Variants in NDRG4 observed in about 807,000 individuals in gnomAD.
The protein encoded by NDRG4 is NDRG family member 4, also known as protein NDRG4.
NDRG4 carries 38 observed loss-of-function variants against 55.8 expected under a neutral mutation model. That is an observed-to-expected ratio of 0.68 (90% CI 0.53 to 0.89). The LOEUF (loss-of-function observed/expected upper bound fraction) is 0.89, where lower values mean the gene tolerates loss of function less well. Among genes scored for constraint, NDRG4 ranks in the 40% least tolerant of loss-of-function variants. The probability of loss-of-function intolerance (pLI) is 0.00; values close to 1 mark genes in which losing one functional copy is unlikely to be tolerated. For missense variants in NDRG4, 455 were observed against 468.6 expected, an observed-to-expected ratio of 0.97 and a Z score of 0.27; for synonymous variants, 190 against 182.7, an observed-to-expected ratio of 1.04 and a Z score of -0.32.
chr16:58,514,027 T>C (rs1302030915), downstream of NDRG4, among the ~76,000 whole-genome samples: 1 of 152,190 alleles, frequency 6.6e-6, no homozygotes, highest in Non-Finnish European at 1.5e-5. Flanking sequence ...AAAACACCCC[T>C]GCCCTCCAAA....
intron 1 of NDRG4, among the ~76,000 whole-genome samples, chr16:58,467,652 C>T (rs183003024): frequency 3.9e-5 from 6 of 152,292 alleles, no homozygotes; most frequent in South Asian, 2.1e-4. Flanking sequence ...AGCCCTGAGC[C>T]GGGAGTTGTC....
intron 1 of NDRG4, among the ~76,000 whole-genome samples, chr16:58,477,124 T>C (rs571225650): frequency 6.6e-6 from 1 of 151,366 alleles, no homozygotes; most frequent in East Asian, 1.9e-4. Context: ...ATATATGATA[T>C]ATATGTGATA....
chr16:58,509,235 A>G (rs1048126685), intron 12 of NDRG4, 46 bp downstream of exon 12: 1 of 1,613,744 alleles, frequency 6.2e-7, no homozygotes, highest in Non-Finnish European at 8.5e-7. Context: ...GGGAGGGGGA[A>G]GCCTCTACCC....
At chr16:58,495,155 T>A, upstream of NDRG4, 2 of 763,494 alleles carry the variant, frequency 2.6e-6, no homozygotes, top group East Asian at 5.5e-5. Context: ...GAACTGGCCC[T>A]GCTTCTGCGA....
downstream of NDRG4, among the ~76,000 whole-genome samples, chr16:58,513,896 G>A (rs1245057883): frequency 6.6e-6 from 1 of 152,092 alleles, no homozygotes; most frequent in Non-Finnish European, 1.5e-5. Flanking sequence ...AGGCAGAGGT[G>A]GTAGTGAGTG....
intron 1 of NDRG4, chr16:58,501,042 T>A: frequency 4.0e-6 from 5 of 1,241,460 alleles, no homozygotes; most frequent in Non-Finnish European, 5.0e-6. Flanking sequence ...GGACCCCAGG[T>A]GGAGCCCAGG....
intron 2 of NDRG4, 28 bp from the exon 3 acceptor site, chr16:58,504,126 C>G: frequency 6.2e-7 from 1 of 1,613,376 alleles, no homozygotes; most frequent in Non-Finnish European, 8.5e-7. Context: ...CCCCTCTGCT[C>G]AGCCATAGTG....
chr16:58,509,494 TG>T, intron 13 of NDRG4, 142 bp downstream of exon 13: 1 of 843,096 alleles, frequency 1.2e-6, no homozygotes, highest in Non-Finnish European at 1.8e-6. Context: ...TTGTGTGACC[TG>T]GGCCCCGGAT....
chr16:58,495,030 C>G lies in NDRG4; in HGVS notation c.117+22C>G, dbSNP rs1232181631. Reference sequence around the variant, plus strand: ...GAAGGTAGGTCAAGGCTCAGACCCCCAAGATGTGGGACTGACAGCTGGCAG... The same window carrying G: ...GAAGGTAGGTCAAGGCTCAGACCCCGAAGATGTGGGACTGACAGCTGGCAG... On this transcript the variant is annotated intron_variant, in intron 3 of 15. Coordinates refer to the NDRG4 transcript ENST00000258187. The G allele has an allele frequency of 1.9e-6, 3 of 1,612,172 alleles. No individual in the cohort carries two copies. The Admixed American group carries it at 5.0e-5, about 27-fold the overall frequency.
intron 1 of NDRG4, among the ~76,000 whole-genome samples, chr16:58,466,165 C>T (rs183650146): frequency 2.0e-5 from 3 of 152,268 alleles, no homozygotes; most frequent in Admixed American, 6.5e-5. Context: ...TACAGGCACG[C>T]GCCACCATGC....
intron 10 of NDRG4, 128 bp downstream of exon 10, chr16:58,508,127 C>T (rs2151835963): frequency 1.3e-6 from 1 of 773,050 alleles, no homozygotes; most frequent in Non-Finnish European, 2.0e-6. Context: ...GGACGGTGGG[C>T]TTCTTGTCCA....
In NDRG4 at chr16:58,507,818, C is replaced by G. The variant is rs1431763224; in HGVS notation, c.631C>G (p.Leu211Val). 1.2e-6 allele frequency: 2 copies of G among 1,613,894 alleles called. No individual in the cohort carries two copies. Among genetic ancestry groups the G allele is most frequent in the South Asian group, 1.1e-5 (1 of 91,078 alleles). The change falls in exon 9 of 15, where the codon CTG (leucine) becomes GTG (valine). Residue 211 changes from leucine to valine, a missense_variant. Coordinates refer to ENST00000570248, the MANE Select transcript of NDRG4 (RefSeq NM_001242835.2). The stretch of plus-strand genomic sequence containing the variant: ...CCCCCTGCCCCACAGCCGCAGAGAC[C>G]TGGACATTAACCGGCCTGGAACGGT... ...FWNMYNSRRDLDINRPGTVPN... is the reference protein window; with the variant it reads ...FWNMYNSRRDVDINRPGTVPN...
At chr16:58,471,134 A>G (rs564723388) in intron 1 of NDRG4, among the ~76,000 whole-genome samples, 7 of 148,784 alleles carry the variant, frequency 4.7e-5, no homozygotes, top group South Asian at 2.1e-4. Context: ...GCCCAGAGAA[A>G]TTGATTTTGA....
chr16:58,477,697 AATTATC>A (rs2033857188), intron 1 of NDRG4, among the ~76,000 whole-genome samples: 1 of 152,074 alleles, frequency 6.6e-6, no homozygotes, highest in Non-Finnish European at 1.5e-5. Flanking sequence ...AAAAAAAGAA[AATTATC>A]ATTAGGCAAC....
rs556031141 is a variant in NDRG4 at position 58,507,872 on chromosome 16, G to A, written c.677+8G>A. 1.9e-6 allele frequency: 3 copies of A among 1,614,024 alleles called. No individual in the cohort carries two copies. The South Asian group carries it at 3.3e-5, about 18-fold the overall frequency. On this transcript the variant is annotated splice_region_variant and intron_variant, in intron 9 of 14. Transcript: ENST00000570248. ...CAATGCCAAGACGCTCCGGTGAGTGGCCCCTGGCCCTCTGGCCTGCCCTGG... is the reference window on the plus strand; with the variant it reads ...CAATGCCAAGACGCTCCGGTGAGTGACCCCTGGCCCTCTGGCCTGCCCTGG...
intron 5 of NDRG4, chr16:58,506,168 G>T: frequency 7.3e-6 from 5 of 680,476 alleles, no homozygotes; most frequent in Non-Finnish European, 1.3e-5. Context: ...CTGTGTGTGT[G>T]TAGGGGTGGA....
At chr16:58,466,321 C>T (rs1811065299) in intron 1 of NDRG4, among the ~76,000 whole-genome samples, 2 of 152,220 alleles carry the variant, frequency 1.3e-5, no homozygotes, top group South Asian at 4.1e-4. Context: ...CAGCCCCCAC[C>T]ATGGGTTTTT....
Position 58,464,709 on chromosome 16 carries a change from TG to T in NDRG4, c.-24+916del. The T allele has an allele frequency of 8.1e-7, 1 of 1,229,282 alleles. No individual in the cohort carries two copies. The highest frequency in any genetic ancestry group is 1.0e-6 in the Non-Finnish European group (1 of 971,608). The allele number at this position is 1,229,282 out of a possible 1,614,324, so 76.1% of individuals were successfully genotyped here. A position where few individuals can be genotyped will look rare whatever the true frequency, so the allele number is the denominator to read the frequency against. On this transcript the variant is annotated intron_variant, in intron 1 of 15. Coordinates refer to the NDRG4 transcript ENST00000258187. This position sits in a 1 kb window ranked among gnomAD's most constrained non-coding sequence, Gnocchi z 4.8. The stretch of plus-strand genomic sequence containing the variant: ...GAGCACCGGTCAGGGGGTGGCCCCA[TG>T]GGGTCTCTGACCAGCGGAGCTCGGA...
chr16:58,469,995 TG>T (rs2151558887), intron 1 of NDRG4, among the ~76,000 whole-genome samples: 1 of 152,352 alleles, frequency 6.6e-6, no homozygotes, highest in African/African-American at 2.4e-5. Flanking sequence ...TTTGTTGGTT[TG>T]TGTTAGAAAC....
Sources: allele counts gnomAD v4.1 joint callset (sites outside exome capture counted in the v4.1 genomes callset), GRCh38; gene constraint gnomAD v4.1.1; non-coding constraint Gnocchi (gnomAD v3.1); transcripts MANE v1.5; gene names NCBI Gene and HGNC (gene_info 2026-07-23, HGNC 2026-07-21).